The following ACAP2 variants were observed in gnomAD, a reference collection of about 807,000 sequenced individuals.
ACAP2 encodes ArfGAP with coiled-coil, ankyrin repeat and PH domains 2.
ACAP2 carries 39 observed loss-of-function variants against 115.8 expected under a neutral mutation model. The observed-to-expected ratio is 0.34, with a 90% confidence interval of 0.26 to 0.44. The LOEUF (loss-of-function observed/expected upper bound fraction) is 0.44, where lower values mean the gene tolerates loss of function less well. Ranked by LOEUF, ACAP2 falls within the 20% of genes least tolerant of loss-of-function variation. ACAP2 has a pLI of 1.00. For missense variants in ACAP2, 662 were observed against 927.6 expected, an observed-to-expected ratio of 0.71 and a Z score of 3.72; for synonymous variants, 289 against 315.8, an observed-to-expected ratio of 0.92 and a Z score of 0.90.
At chr3:195,329,532 C>T (rs1730034152) in intron 8 of ACAP2, among the ~76,000 whole-genome samples, 1 of 152,160 alleles carries the variant, frequency 6.6e-6, no homozygotes, top group Non-Finnish European at 1.5e-5. Flanking sequence ...AACCCATACT[C>T]TTTTTCCAGC....
chr3:195,416,105 T>C (rs902610196), intron 1 of ACAP2, among the ~76,000 whole-genome samples: 8 of 152,194 alleles, frequency 5.3e-5, no homozygotes, highest in African/African-American at 1.9e-4. Context: ...CCCAGCACTT[T>C]GGGAGGCCGA....
intron 1 of ACAP2, among the ~76,000 whole-genome samples, chr3:195,415,884 A>C (rs965274865): frequency 6.6e-6 from 1 of 152,232 alleles, no homozygotes; most frequent in Non-Finnish European, 1.5e-5. Context: ...AAAAAGGTGA[A>C]TACAACCCAC....
intron 1 of ACAP2, among the ~76,000 whole-genome samples, chr3:195,433,130 C>T (rs1050175329): frequency 9.9e-5 from 15 of 152,084 alleles, no homozygotes; most frequent in Non-Finnish European, 1.6e-4. Flanking sequence ...CCAAAATCCA[C>T]GGATGCTCAA....
At chr3:195,345,050 A>G (rs1312960099) in intron 5 of ACAP2, among the ~76,000 whole-genome samples, 1 of 152,242 alleles carries the variant, frequency 6.6e-6, no homozygotes, top group African/African-American at 2.4e-5. Flanking sequence ...CAGAACACGT[A>G]TTTGTGGAAT....
intron 4 of ACAP2, among the ~76,000 whole-genome samples, chr3:195,368,429 C>G (rs1431101094): frequency 2.0e-5 from 3 of 152,110 alleles, no homozygotes; most frequent in African/African-American, 7.2e-5. Flanking sequence ...GGATGACAGG[C>G]GTTATCCCAG....
chr3:195,426,419 C>T (rs977964799), intron 1 of ACAP2, among the ~76,000 whole-genome samples: 1 of 152,140 alleles, frequency 6.6e-6, no homozygotes, highest in African/African-American at 2.4e-5. Flanking sequence ...AGGAAACAAT[C>T]AGAAAAATTC....
At position 195,387,844 on chromosome 3, in the gene ACAP2, C is replaced by T. The variant is rs1046937388; in HGVS notation, c.111+4246G>A. On this transcript the variant is annotated intron_variant, in intron 2 of 22. Transcript: ENST00000326793. ...ATCATTGTTTATTTAGAATTTACCA[C>T]GTGCCAAGAACTGTGCTAAGTACTT... 6.6e-5 allele frequency among the ~76,000 whole-genome samples: 10 copies of T among 152,188 alleles called. No homozygotes were observed. The East Asian group carries it at 7.7e-4, about 12-fold the overall frequency.
intron 8 of ACAP2, among the ~76,000 whole-genome samples, chr3:195,328,148 A>G (rs1729922741): frequency 6.6e-6 from 1 of 152,106 alleles, no homozygotes; most frequent in Non-Finnish European, 1.5e-5. Context: ...GACTATGATG[A>G]TGCCTTTCCA....
At chr3:195,385,749 T>C (rs972200136) in intron 2 of ACAP2, among the ~76,000 whole-genome samples, 1 of 152,206 alleles carries the variant, frequency 6.6e-6, no homozygotes, top group African/African-American at 2.4e-5. Flanking sequence ...TCCAGGAATG[T>C]GTAGCACCAT....
At chr3:195,334,202 C>G (rs1439692111) in intron 7 of ACAP2, among the ~76,000 whole-genome samples, 2 of 145,702 alleles carry the variant, frequency 1.4e-5, no homozygotes, top group Non-Finnish European at 3.0e-5. Context: ...ACTCAAAAAT[C>G]CTCCAAAAAA....
In ACAP2 at chr3:195,301,668, A is replaced by T. The variant is rs752000435; in HGVS notation, c.1326-24T>A. The T allele has an allele frequency of 3.8e-6, 6 of 1,595,362 alleles. No homozygotes were observed. In the East Asian group the frequency reaches 1.3e-4, roughly 36 times the overall value. On this transcript the variant is annotated intron_variant, in intron 14 of 22. Transcript: ENST00000326793. Reference sequence around the variant, plus strand: ...TCCTAAGTGGAAAAAAGAAGACTGCATTACTATCAAGTCTCTGTTTGCGTA... The same window carrying T: ...TCCTAAGTGGAAAAAAGAAGACTGCTTTACTATCAAGTCTCTGTTTGCGTA...
intron 5 of ACAP2, among the ~76,000 whole-genome samples, chr3:195,344,324 C>T (rs1731059476): frequency 6.6e-6 from 1 of 152,154 alleles, no homozygotes; most frequent in Non-Finnish European, 1.5e-5. Flanking sequence ...TGAGATCTAA[C>T]ACCACTGTAC....
chr3:195,319,996 C>T (rs1358708677), intron 10 of ACAP2, among the ~76,000 whole-genome samples: 1 of 152,066 alleles, frequency 6.6e-6, no homozygotes, highest in African/African-American at 2.4e-5. Flanking sequence ...AGCGGTTTCC[C>T]CCATGCTGTT....
intron 6 of ACAP2, 128 bp from the exon 7 acceptor site, chr3:195,337,104 T>A (rs1297463050): frequency 9.3e-6 from 7 of 750,270 alleles, no homozygotes; most frequent in Non-Finnish European, 1.5e-5. Flanking sequence ...AAGCTCAAGC[T>A]TTTTCATCCT....
chr3:195,332,955 A>G (rs1410897977), intron 8 of ACAP2, 73 bp downstream of exon 8: 7 of 1,124,400 alleles, frequency 6.2e-6, no homozygotes, highest in African/African-American at 1.6e-5. Context: ...GTACACCTCC[A>G]ATATGCTAAA....
intron 1 of ACAP2, among the ~76,000 whole-genome samples, chr3:195,406,746 T>C (rs1201170155): frequency 6.6e-6 from 1 of 152,196 alleles, no homozygotes; most frequent in Non-Finnish European, 1.5e-5. Context: ...CCACTTTACA[T>C]TGATTGGATT....
chr3:195,425,048 AAAAAAAG>A (rs1358103051), intron 1 of ACAP2, among the ~76,000 whole-genome samples: 2 of 148,860 alleles, frequency 1.3e-5, no homozygotes, highest in Admixed American at 1.3e-4. Context: ...AAAAAAAAAA[AAAAAAAG>A]AGTTGATTGA....
intron 6 of ACAP2, among the ~76,000 whole-genome samples, chr3:195,337,495 C>G (rs1730584686): frequency 6.9e-6 from 1 of 144,204 alleles, no homozygotes; most frequent in Non-Finnish European, 1.5e-5. Flanking sequence ...ATTGCGCAGG[C>G]TGCAGTGCAA....
intron 9 of ACAP2, among the ~76,000 whole-genome samples, chr3:195,322,685 G>A (rs1729528350): frequency 1.3e-5 from 2 of 152,100 alleles, no homozygotes; most frequent in South Asian, 2.1e-4. Context: ...AGAGAATTAA[G>A]GAAGCAGTAA....
Sources: gnomAD v4.1 joint callset for allele counts (sites outside exome capture counted in the v4.1 genomes callset) on GRCh38, gnomAD v4.1.1 for gene constraint, MANE v1.5 for transcripts, NCBI Gene and HGNC (gene_info 2026-07-23, HGNC 2026-07-21) for gene names.